Variants in PCDH15 observed in about 807,000 individuals in gnomAD.
The protein encoded by PCDH15 is protocadherin related 15, also known as protocadherin-15.
In PCDH15, 129 loss-of-function variants were observed where a neutral mutation model predicts 178.5. The ratio of observed to expected loss-of-function variants is 0.72; its 90% CI spans 0.63 to 0.84. The LOEUF is 0.84. Among genes scored for constraint, PCDH15 ranks in the 40% least tolerant of loss-of-function variants. The pLI is 0.00. For synonymous variants in PCDH15, 800 were observed against 732.0 expected (o/e 1.09, Z -1.50); for missense variants, 2,230 against 2,099.9 (o/e 1.06, Z -1.21).
chr10:54,515,261 G>A (rs148744973), intron 3 of PCDH15, among the ~76,000 whole-genome samples: 2,727 of 152,220 alleles, frequency 0.018, 76 homozygotes, highest in African/African-American at 0.061. Context: ...CTGGAAAATC[G>A]GGTCACTCCC....
chr10:55,542,538 AC>A (rs1316439743), intron 2 of PCDH15, among the ~76,000 whole-genome samples: 1 of 150,702 alleles, frequency 6.6e-6, no homozygotes, highest in African/African-American at 2.4e-5. Flanking sequence ...GTACATATGT[AC>A]AGGATATCAG....
At chr10:55,155,386 G>A (rs1230913353) in intron 2 of PCDH15, among the ~76,000 whole-genome samples, 1 of 148,822 alleles carries the variant, frequency 6.7e-6, no homozygotes, top group Non-Finnish European at 1.5e-5. Flanking sequence ...AAACTGAAGA[G>A]AAGAATGGGT....
chr10:54,484,065 C>T (rs2078916858), intron 3 of PCDH15, among the ~76,000 whole-genome samples: 1 of 151,822 alleles, frequency 6.6e-6, no homozygotes, highest in African/African-American at 2.4e-5. Context: ...TGTTTTGCCA[C>T]TTTAAGGAGG....
chr10:54,527,779 A>G, intron 3 of PCDH15, 33 bp downstream of exon 3: 1 of 1,541,234 alleles, frequency 6.5e-7, no homozygotes, highest in Non-Finnish European at 8.9e-7. Context: ...ACCCTCTTAG[A>G]TAAGACATTT....
intron 16 of PCDH15, among the ~76,000 whole-genome samples, chr10:54,084,828 A>G (rs1197799942): frequency 6.6e-6 from 1 of 152,206 alleles, no homozygotes; most frequent in African/African-American, 2.4e-5. Flanking sequence ...GTGACTGAAC[A>G]TTTACACTTG....
chr10:54,830,760 A>G, intron 3 of PCDH15, among the ~76,000 whole-genome samples: 1 of 151,704 alleles, frequency 6.6e-6, no homozygotes, highest in East Asian at 1.9e-4. Flanking sequence ...AGGAAACCTC[A>G]TATTCCAAAA....
At chr10:53,978,876 T>G (rs2090403993) in intron 21 of PCDH15, among the ~76,000 whole-genome samples, 1 of 152,092 alleles carries the variant, frequency 6.6e-6, no homozygotes, top group Non-Finnish European at 1.5e-5. Flanking sequence ...CCCAACAAGT[T>G]CCTCATCTCC....
At chr10:55,335,830 T>C (rs1844371354) in intron 2 of PCDH15, among the ~76,000 whole-genome samples, 1 of 152,158 alleles carries the variant, frequency 6.6e-6, no homozygotes, top group Admixed American at 6.6e-5. Context: ...ATAATAGCTA[T>C]AGTTTTAAAT....
chr10:55,035,973 C>G (rs891800459), intron 2 of PCDH15, among the ~76,000 whole-genome samples: 2 of 152,062 alleles, frequency 1.3e-5, no homozygotes, highest in Non-Finnish European at 2.9e-5. Flanking sequence ...TAATTGTACA[C>G]CTTGCTACGG....
rs1360435365 is a variant in PCDH15, at chr10:54,023,100, G to A, written c.2318C>T (p.Thr773Ile). ...FRITSNGSIYTAVKLNREVRD... is the reference protein window; with the variant it reads ...FRITSNGSIYIAVKLNREVRD... ...GACTTCTCTGTTAAGCTTCACTGCT[G>A]TGTAAATGCTCCCATTGGATGTGAT... is the stretch of plus-strand genomic sequence containing the variant. Residue 773 changes from threonine (T) to isoleucine (I), a missense_variant, in exon 19 of 38, where the codon ACA becomes ATA. Transcript: ENST00000644397. 2 of 1,613,818 alleles carry A rather than the reference G, an allele frequency of 1.2e-6. No individual in the cohort carries two copies. Among genetic ancestry groups the A allele is most frequent in the African/African-American group, 1.3e-5 (1 of 74,910 alleles).
At chr10:54,329,530 A>T in intron 7 of PCDH15, 66 bp downstream of exon 7, 2 of 1,169,138 alleles carry the variant, frequency 1.7e-6, no homozygotes, top group Non-Finnish European at 2.6e-6. Flanking sequence ...AGTATCTGAT[A>T]CATTTTGGAT....
chr10:54,640,389 T>C (rs957384104), intron 2 of PCDH15, among the ~76,000 whole-genome samples: 1 of 152,038 alleles, frequency 6.6e-6, no homozygotes, highest in Non-Finnish European at 1.5e-5. Context: ...TTGAGATATA[T>C]AAGTATGTAC....
chr10:54,437,879 T>G (rs1381024654), intron 3 of PCDH15, among the ~76,000 whole-genome samples: 5 of 152,166 alleles, frequency 3.3e-5, no homozygotes, highest in Non-Finnish European at 7.4e-5. Flanking sequence ...GAAGAAATAC[T>G]TTTTTTGTTC....
At chr10:54,345,801 CAAAAAAAAAAAAAAAAA>C (rs540507383) in intron 6 of PCDH15, among the ~76,000 whole-genome samples, 1 of 52,434 alleles carries the variant, frequency 1.9e-5, no homozygotes, top group Non-Finnish European at 3.2e-5. Flanking sequence ...GACTCCGTCT[CAAAAAAAAAAAAAAAAA>C]AAAAAAAAAA....
chr10:54,156,739 A>G (rs1590842044), intron 13 of PCDH15, among the ~76,000 whole-genome samples: 1 of 152,218 alleles, frequency 6.6e-6, no homozygotes, highest in Non-Finnish European at 1.5e-5. Flanking sequence ...AAAAGTCCAC[A>G]GTCAAAAGTC....
chr10:54,420,667 T>C (rs1412738913), intron 3 of PCDH15, among the ~76,000 whole-genome samples: 1 of 151,760 alleles, frequency 6.6e-6, no homozygotes, highest in South Asian at 2.1e-4. Context: ...GTAGCAGAAA[T>C]GAAAGCAAAG....
chr10:54,969,902 G>T (rs1838888725), intron 2 of PCDH15, among the ~76,000 whole-genome samples: 1 of 152,168 alleles, frequency 6.6e-6, no homozygotes, highest in Admixed American at 6.6e-5. Flanking sequence ...GGCTTAAAAT[G>T]AAAATTCCCC....
chr10:54,058,169 C>A (rs1005976388), intron 18 of PCDH15, among the ~76,000 whole-genome samples: 1 of 152,150 alleles, frequency 6.6e-6, no homozygotes, highest in Non-Finnish European at 1.5e-5. Context: ...TGTTCCAACC[C>A]AGGCCTGTTA....
At chr10:54,359,526 T>C (rs1945652701) in intron 5 of PCDH15, among the ~76,000 whole-genome samples, 1 of 151,984 alleles carries the variant, frequency 6.6e-6, no homozygotes, top group Non-Finnish European at 1.5e-5. Flanking sequence ...ATTTTCATTA[T>C]AACAAAGCTC....
Sources: gnomAD v4.1 joint callset for allele counts (sites outside exome capture counted in the v4.1 genomes callset) on GRCh38, gnomAD v4.1.1 for gene constraint, MANE v1.5 for transcripts, NCBI Gene and HGNC (gene_info 2026-07-23, HGNC 2026-07-21) for gene names.